Variants in DNAH2 observed in about 807,000 individuals in gnomAD.
The protein encoded by DNAH2 is dynein axonemal heavy chain 2.
Under a neutral mutation model 523.5 loss-of-function variants are expected in DNAH2, and 323 were observed. The ratio of observed to expected loss-of-function variants is 0.62; its 90% confidence interval spans 0.56 to 0.68. DNAH2 has a LOEUF of 0.68. Among genes scored for constraint, DNAH2 ranks in the 30% least tolerant of loss-of-function variants. The probability of loss-of-function intolerance (pLI) is 0.00; values close to 1 mark genes in which losing one functional copy is unlikely to be tolerated. For missense variants in DNAH2, 4,907 were observed against 5,701.5 expected (o/e 0.86, Z 4.49); for synonymous variants, 2,093 against 2,177.4 (o/e 0.96, Z 1.08).
intron 50 of DNAH2, 94 bp downstream of exon 50, chr17:7,796,746 G>A (rs914758931): frequency 1.2e-5 from 16 of 1,385,516 alleles, no homozygotes; most frequent in South Asian, 8.5e-5. Context: ...ACTAGCATGC[G>A]CACCAAAAGT....
At position 7,739,928 on chromosome 17, in the gene DNAH2, G is replaced by A; in HGVS notation, c.1366G>A (p.Asp456Asn). 1 of 1,613,886 alleles carries A rather than the reference G, an allele frequency of 6.2e-7. No individual in the cohort carries two copies. The highest frequency in any genetic ancestry group is 8.5e-7 in the Non-Finnish European group (1 of 1,179,906). ...TGTCAAGAACACCTGTTGGCATGAA[G>A]ACTACAATAAGTGAGGGAACCACAG... Reference protein sequence around the residue: ...LDVKNTCWHEDYNKFRAGIKD... With the variant: ...LDVKNTCWHENYNKFRAGIKD... The change falls in exon 9 of 86, where the codon GAC becomes AAC. Residue 456 changes from aspartate (D) to asparagine (N), a missense_variant. Asp to Asn is a conservative substitution (Grantham distance 23). Coordinates refer to ENST00000572933, the MANE Select transcript of DNAH2 (RefSeq NM_020877.5).
chr17:7,745,115 C>T (rs1778906466), intron 12 of DNAH2, among the ~76,000 whole-genome samples: 1 of 152,074 alleles, frequency 6.6e-6, no homozygotes, highest in South Asian at 2.1e-4. Context: ...CTGCCTCAGC[C>T]TCCCGAGTAT....
rs779553735 is a variant in DNAH2 at position 7,792,862 on chromosome 17, C to T, written c.7344+7C>T. Reference sequence around the variant, plus strand: ...TGTCAACATGTCCGCACAGGTGTGTCGGGGATCCAGGGGCCAGGCTGCCGG... The same window carrying T: ...TGTCAACATGTCCGCACAGGTGTGTTGGGGATCCAGGGGCCAGGCTGCCGG... On this transcript the variant is annotated splice_region_variant and intron_variant, in intron 47 of 85. Transcript: ENST00000572933. 51 of 1,608,954 alleles carry T rather than the reference C, an allele frequency of 3.2e-5. No homozygotes were observed. The highest frequency in any genetic ancestry group is 8.9e-5 in the East Asian group (4 of 44,738).
chr17:7,806,551 C>T (rs776542986), intron 61 of DNAH2, among the ~76,000 whole-genome samples: 14 of 144,794 alleles, frequency 9.7e-5, no homozygotes, highest in South Asian at 2.2e-4. Flanking sequence ...CCCAGCTACT[C>T]GGGAGGCTGA....
At position 7,727,159 on chromosome 17, in the gene DNAH2, T is replaced by C; in HGVS notation, c.266T>C (p.Leu89Pro). 1 of 1,596,002 alleles carries C rather than the reference T, an allele frequency of 6.3e-7. No homozygotes were observed. The highest frequency in any genetic ancestry group is 8.5e-7 in the Non-Finnish European group (1 of 1,173,692). The change falls in exon 4 of 86, where the codon CTG becomes CCG. Residue 89 changes from leucine (L) to proline (P), a missense_variant. Transcript: ENST00000572933. ...CTTTCCCGAGCTGCGCTGACAGGAC[T>C]GGCGGATGCAGTGTGGACACAGGAG... ...LFLSRAALTG[L>P]ADAVWTQEHD...
chr17:7,792,805 TC>T lies in DNAH2; in HGVS notation c.7297del (p.Leu2433CysfsTer46), dbSNP rs748705860. 1 of 1,614,164 alleles carries T rather than the reference TC, an allele frequency of 6.2e-7. No individual in the cohort carries two copies. Among genetic ancestry groups the T allele is most frequent in the Admixed American group, 1.7e-5 (1 of 60,016 alleles). On this transcript the variant is annotated frameshift_variant, in exon 47 of 86. Coordinates refer to ENST00000572933, the MANE Select transcript of DNAH2 (RefSeq NM_020877.5). LOFTEE classifies it high-confidence loss of function. ...KTSIAQSVLQ[S>X]LPSSQWSVLV... The stretch of plus-strand genomic sequence containing the variant: ...CTCCATCGCCCAGAGCGTTCTGCAG[TC>T]CCTGCCCTCCAGCCAGTGGTCGGTG...
Position 7,830,161 on chromosome 17 carries a change from G to A in DNAH2, c.11854-139G>A, listed in dbSNP as rs529144061. On this transcript the variant is annotated intron_variant, in intron 77 of 85. Transcript: ENST00000572933. ...TGTAGATCTTGGCATGTAGATCAAC[G>A]GCTACATTTCAGCCTCCACTCACCC... 206 of 804,080 alleles carry A rather than the reference G, an allele frequency of 2.6e-4. No individual in the cohort carries two copies. The African/African-American group carries it at 2.6e-3, about 10-fold the overall frequency. The allele number at this position is 804,080 out of a possible 1,614,324, so 49.8% of individuals were successfully genotyped here.
chr17:7,831,279 C>T lies in DNAH2; in HGVS notation c.12424C>T (p.Pro4142Ser), dbSNP rs1382921193. 1.7e-5 allele frequency: 27 copies of T among 1,614,160 alleles called. No homozygotes were observed. The highest frequency in any genetic ancestry group is 2.2e-5 in the Non-Finnish European group (26 of 1,180,048). ...GCTTTCCTTGCAACCTCAGATTACA[C>T]CCACCAGGGCTGGAGGCCAGACCCG... ...TLLSLQPQIT[P>S]TRAGGQTREE... Residue 4142 changes from proline to serine, a missense_variant, in exon 80 of 86, where the codon CCC becomes TCC. Pro to Ser is a moderately conservative substitution (Grantham distance 74). Around this residue, in one of 3 missense-constraint regions of DNAH2, gnomAD observed 1,851 missense variants for 2,139.4 expected, o/e 0.87. Coordinates refer to ENST00000572933, the MANE Select transcript of DNAH2 (RefSeq NM_020877.5). This position sits in a 1 kb window ranked among gnomAD's most constrained non-coding sequence, Gnocchi z 4.2.
intron 3 of DNAH2, among the ~76,000 whole-genome samples, chr17:7,726,009 T>G (rs182550303): frequency 6.6e-6 from 1 of 152,002 alleles, no homozygotes; most frequent in East Asian, 1.9e-4. Context: ...TTTATTTGTT[T>G]GTTTATTTAT....
intron 63 of DNAH2, among the ~76,000 whole-genome samples, chr17:7,810,042 CTTCT>C (rs1237101360): frequency 2.0e-5 from 3 of 147,936 alleles, no homozygotes; most frequent in South Asian, 2.2e-4. Context: ...CCTTCCTTTT[CTTCT>C]TTCTTTTCTT....
intron 12 of DNAH2, among the ~76,000 whole-genome samples, chr17:7,746,711 GC>G (rs1236866124): frequency 6.6e-6 from 1 of 152,150 alleles, no homozygotes; most frequent in Non-Finnish European, 1.5e-5. Flanking sequence ...GAAATGGCTG[GC>G]ATGGTGGCTC....
At position 7,818,746 on chromosome 17, in the gene DNAH2, A is replaced by T. The variant is rs751768286; in HGVS notation, c.10640A>T (p.Lys3547Met). ...LVINIAAGKR[K>M]LKELEDEILR... ...ATCAACATCGCGGCTGGTAAAAGGA[A>T]GCTCAAGGAGCTGGAGGATGAGATC... Residue 3547 changes from lysine (K) to methionine (M), a missense_variant, in exon 70 of 86, where the codon AAG (lysine) becomes ATG (methionine). Transcript: ENST00000572933. 1 of 1,614,052 alleles carries T rather than the reference A, an allele frequency of 6.2e-7. No individual in the cohort carries two copies. The highest frequency in any genetic ancestry group is 1.7e-5 in the Admixed American group (1 of 60,006).
chr17:7,749,334 A>C lies in DNAH2; in HGVS notation c.1904+6192A>C, dbSNP rs1597523292. Among the ~76,000 whole-genome samples, 31 of 146,106 alleles carry C rather than the reference A, an allele frequency of 2.1e-4. No individual in the cohort carries two copies. In the South Asian group the frequency reaches 5.7e-3, roughly 27 times the overall value. ...AAAAAAAAAAAAAAAAAAAAAAAAA[A>C]AAAAAAAAAAAAAAGAAAGAAAAAA... On this transcript the variant is annotated intron_variant, in intron 12 of 85. Transcript: ENST00000572933.
At chr17:7,805,187 A>C in intron 60 of DNAH2, 65 bp from the exon 61 acceptor site, 1 of 1,600,668 alleles carries the variant, frequency 6.2e-7, no homozygotes, top group Non-Finnish European at 8.5e-7. Flanking sequence ...AAGAGGTGGC[A>C]CCTCAGCTAG....
chr17:7,798,241 C>T lies in DNAH2; in HGVS notation c.8315C>T (p.Ala2772Val), dbSNP rs759448591. 1.1e-5 allele frequency: 18 copies of T among 1,613,768 alleles called. No homozygotes were observed. In the South Asian group the frequency reaches 2.0e-4, roughly 18 times the overall value. The change falls in exon 54 of 86, where the codon GCC becomes GTC. Residue 2772 changes from alanine to valine, a missense_variant. Ala to Val is a moderately conservative substitution (Grantham distance 64). Transcript: ENST00000572933. The surrounding 1 kb of genome is among the most constrained non-coding windows in gnomAD (Gnocchi z 5.5). ...GGGGGCAGCGGACGCCAGAGTCTGG[C>T]CCGCCTGGCTTCATCCATCTGCGAC... The part of the protein sequence containing the change: ...GIGGSGRQSL[A>V]RLASSICDYT...
Position 7,832,744 on chromosome 17 carries a change from C to T in DNAH2, c.12892C>T (p.Arg4298Cys), listed in dbSNP as rs1002759944. The T allele has an allele frequency of 6.2e-7, 1 of 1,614,042 alleles. No individual in the cohort carries two copies. Among genetic ancestry groups the T allele is most frequent in the African/African-American group, 1.3e-5 (1 of 75,016 alleles). The change falls in exon 83 of 86, where the codon CGC (arginine) becomes TGC (cysteine). Residue 4298 changes from arginine (R) to cysteine (C), a missense_variant. By Grantham distance (180) the Arg-to-Cys change is radical. This residue lies in a region of DNAH2 where 1,851 missense variants were observed against 2,139.4 expected (regional missense o/e 0.87). Transcript: ENST00000572933. The surrounding 1 kb of genome is among the most constrained non-coding windows in gnomAD (Gnocchi z 4.3). ...CACTGCTGTGCTGCAGTCTTCAGCT[C>T]GCCAAAACAACGTGAGCAATGTGCA... is the stretch of plus-strand genomic sequence containing the variant. The part of the protein sequence containing the change: ...FLTAVLQSSA[R>C]QNNVSVDSLS...
At chr17:7,756,991 G>A (rs374262242) in intron 12 of DNAH2, 100 bp from the exon 13 acceptor site, 177 of 1,535,214 alleles carry the variant, frequency 1.2e-4, no homozygotes, top group African/African-American at 1.2e-4. Context: ...TTCTCATCTC[G>A]ACATTTCCCT....
intron 42 of DNAH2, chr17:7,787,621 A>T: frequency 2.2e-6 from 1 of 447,970 alleles, no homozygotes; most frequent in Non-Finnish European, 4.0e-6. Context: ...CTGTAGTCCC[A>T]GGTACTCTGG....
At position 7,832,661 on chromosome 17, in the gene DNAH2, G is replaced by T. The variant is rs575354824; in HGVS notation, c.12809G>T (p.Arg4270Leu). 2 of 1,614,012 alleles carry T rather than the reference G, an allele frequency of 1.2e-6. No individual in the cohort carries two copies. The highest frequency in any genetic ancestry group is 2.7e-5 in the African/African-American group (2 of 74,898). ...RVEQFELWAS[R>L]ARPPVIFWLS... Reference sequence around the variant, plus strand: ...GAGCAGTTTGAGCTGTGGGCCAGCCGGGCCCGGCCTCCTGTGATCTTCTGG... The same window carrying T: ...GAGCAGTTTGAGCTGTGGGCCAGCCTGGCCCGGCCTCCTGTGATCTTCTGG... Residue 4270 changes from arginine to leucine, a missense_variant, in exon 83 of 86, where the codon CGG becomes CTG. Around this residue, in one of 3 missense-constraint regions of DNAH2, gnomAD observed 1,851 missense variants for 2,139.4 expected, o/e 0.87. Coordinates refer to ENST00000572933, the MANE Select transcript of DNAH2 (RefSeq NM_020877.5). The surrounding 1 kb of genome is among the most constrained non-coding windows in gnomAD (Gnocchi z 4.3).
Sources: gnomAD v4.1 joint callset for allele counts (sites outside exome capture counted in the v4.1 genomes callset) on GRCh38, gnomAD v4.1.1 for gene constraint, gnomAD v4.1.1 regional missense constraint, Gnocchi (gnomAD v3.1) non-coding constraint, MANE v1.5 for transcripts, NCBI Gene and HGNC (gene_info 2026-07-23, HGNC 2026-07-21) for gene names.